The following CTNNA3 variants were observed in gnomAD, a reference collection of about 807,000 sequenced individuals.
CTNNA3 encodes catenin alpha-3.
A neutral mutation model predicts 95.7 loss-of-function variants in CTNNA3; 76 were observed. The ratio of observed to expected loss-of-function variants is 0.79; its 90% confidence interval spans 0.66 to 0.96. The LOEUF (loss-of-function observed/expected upper bound fraction) is 0.96. Ranked by LOEUF, CTNNA3 falls within the 40% of genes least tolerant of loss-of-function variation. The pLI is 0.00. For synonymous variants in CTNNA3, 431 were observed against 374.4 expected (o/e 1.15, Z -1.74); for missense variants, 1,191 against 1,089.8 (o/e 1.09, Z -1.31).
At chr10:66,997,578 A>G (rs1564820978) in intron 7 of CTNNA3, among the ~76,000 whole-genome samples, 1 of 152,148 alleles carries the variant, frequency 6.6e-6, no homozygotes, top group East Asian at 1.9e-4. Flanking sequence ...ATGTAACTAA[A>G]TACTCCTATA....
intron 9 of CTNNA3, among the ~76,000 whole-genome samples, chr10:66,694,067 C>G (rs2132548303): frequency 6.6e-6 from 1 of 152,110 alleles, no homozygotes; most frequent in Admixed American, 6.5e-5. Flanking sequence ...AAAGCAAGAG[C>G]AAACACATTC....
chr10:66,481,356 A>T (rs1465884690), intron 11 of CTNNA3, among the ~76,000 whole-genome samples: 2 of 152,032 alleles, frequency 1.3e-5, no homozygotes, highest in East Asian at 3.9e-4. Context: ...GAACAAATTC[A>T]TTATTCATCC....
intron 7 of CTNNA3, among the ~76,000 whole-genome samples, chr10:67,052,010 C>T (rs1855127839): frequency 6.6e-6 from 1 of 152,110 alleles, no homozygotes; most frequent in Admixed American, 6.5e-5. Flanking sequence ...CCACCTCAGC[C>T]TCCCAAAGTG....
intron 13 of CTNNA3, among the ~76,000 whole-genome samples, chr10:66,141,493 G>A (rs960081598): frequency 1.3e-5 from 2 of 152,066 alleles, no homozygotes; most frequent in Non-Finnish European, 2.9e-5. Flanking sequence ...TTGTTAAACT[G>A]TAAAATCAAC....
chr10:67,513,105 A>G (rs1191249721), intron 5 of CTNNA3, among the ~76,000 whole-genome samples: 2 of 152,238 alleles, frequency 1.3e-5, no homozygotes, highest in East Asian at 1.9e-4. Flanking sequence ...AAATGTTAAA[A>G]GCATCTTTGT....
intron 13 of CTNNA3, among the ~76,000 whole-genome samples, chr10:66,259,942 T>C (rs1272754795): frequency 6.6e-6 from 1 of 152,106 alleles, no homozygotes; most frequent in Non-Finnish European, 1.5e-5. Flanking sequence ...GAAAAGCAAC[T>C]TTTCAGGCTT....
chr10:67,615,806 G>T (rs1339343145), intron 2 of CTNNA3, among the ~76,000 whole-genome samples: 1 of 151,966 alleles, frequency 6.6e-6, no homozygotes, highest in Non-Finnish European at 1.5e-5. Flanking sequence ...GGCATTACAG[G>T]TGCCTGTCAC....
intron 3 of CTNNA3, among the ~76,000 whole-genome samples, chr10:67,540,317 A>T (rs1840636687): frequency 6.6e-6 from 1 of 151,934 alleles, no homozygotes; most frequent in African/African-American, 2.4e-5. Flanking sequence ...TTAATAAAAA[A>T]CTCTCTTTAC....
intron 1 of CTNNA3, among the ~76,000 whole-genome samples, chr10:67,724,121 C>A (rs1369237767): frequency 6.6e-6 from 1 of 152,152 alleles, no homozygotes; most frequent in African/African-American, 2.4e-5. Flanking sequence ...TCCACTTTTT[C>A]TTCTGCCCAG....
At chr10:67,007,740 C>T (rs1414842343) in intron 7 of CTNNA3, among the ~76,000 whole-genome samples, 1 of 151,556 alleles carries the variant, frequency 6.6e-6, no homozygotes, top group Non-Finnish European at 1.5e-5. Flanking sequence ...CTATTCCATA[C>T]TGAATATATT....
In CTNNA3 at chr10:66,632,375, G is replaced by A. The variant is rs138619966; in HGVS notation, c.1282-10591C>T. Among the ~76,000 whole-genome samples, 498 of 151,920 alleles carry A rather than the reference G, an allele frequency of 3.3e-3. 5 individuals are homozygous for A. The highest frequency in any genetic ancestry group is 0.012 in the African/African-American group (478 of 41,444). On this transcript the variant is annotated intron_variant, in intron 9 of 17. Coordinates refer to ENST00000433211, the MANE Select transcript of CTNNA3 (RefSeq NM_013266.4). ...TTGAGACCAGCCTGGCCAACACGGT[G>A]CAACCCCATCTCTACTAAAAAATAC... is the stretch of plus-strand genomic sequence containing the variant.
intron 9 of CTNNA3, among the ~76,000 whole-genome samples, chr10:66,702,732 A>AAGTAGTAGTAGTAGTAGTAGTAGT (rs3055636): frequency 3.7e-5 from 5 of 134,326 alleles, no homozygotes; most frequent in African/African-American, 1.2e-4. Flanking sequence ...AAAAAAGAAT[A>AAGTAGTAGTAGTAGTAGTAGTAGT]AGTAGTAGTA....
chr10:66,499,703 T>C (rs1465354984), intron 11 of CTNNA3, among the ~76,000 whole-genome samples: 1 of 152,158 alleles, frequency 6.6e-6, no homozygotes, highest in Non-Finnish European at 1.5e-5. Flanking sequence ...TGTGTGATTA[T>C]ACTAGCCAAA....
intron 13 of CTNNA3, among the ~76,000 whole-genome samples, chr10:66,145,622 A>G (rs1199871185): frequency 1.3e-5 from 2 of 152,176 alleles, no homozygotes; most frequent in Non-Finnish European, 2.9e-5. Context: ...TCAATGCCTG[A>G]TAACAGCAGT....
intron 9 of CTNNA3, among the ~76,000 whole-genome samples, chr10:66,638,325 C>G (rs1845403759): frequency 6.6e-6 from 1 of 152,022 alleles, no homozygotes; most frequent in Non-Finnish European, 1.5e-5. Flanking sequence ...TTCGTGATTT[C>G]CTCTTTCCCA....
chr10:66,805,175 G>A (rs1322970057), intron 7 of CTNNA3, among the ~76,000 whole-genome samples: 2 of 151,938 alleles, frequency 1.3e-5, no homozygotes, highest in Non-Finnish European at 2.9e-5. Flanking sequence ...ACCTCTGGAA[G>A]CTTGAGACTG....
chr10:67,318,586 C>T lies in CTNNA3; in HGVS notation c.580-98716G>A, dbSNP rs1050137022. 7.9e-5 allele frequency among the ~76,000 whole-genome samples: 12 copies of T among 152,208 alleles called. No homozygotes were observed. The South Asian group carries it at 1.0e-3, about 13-fold the overall frequency. On this transcript the variant is annotated intron_variant, in intron 5 of 17. Transcript: ENST00000433211. ...CCAAACCCTAATTTTCCACCTTCAT[C>T]TCCATGTTCACTCTGCTCCAGCTAC...
At chr10:67,307,203 A>G (rs1463804731) in intron 5 of CTNNA3, among the ~76,000 whole-genome samples, 1 of 152,220 alleles carries the variant, frequency 6.6e-6, no homozygotes, top group African/African-American at 2.4e-5. Context: ...TGTTGATTAA[A>G]TAATTAATAA....
At chr10:67,525,673 A>G (rs1163389248) in intron 4 of CTNNA3, among the ~76,000 whole-genome samples, 1 of 152,234 alleles carries the variant, frequency 6.6e-6, no homozygotes, top group Non-Finnish European at 1.5e-5. Flanking sequence ...AAAAAAATGC[A>G]GCCAAGGCTC....
Sources: allele counts gnomAD v4.1 joint callset (sites outside exome capture counted in the v4.1 genomes callset), GRCh38; gene constraint gnomAD v4.1.1; transcripts MANE v1.5; gene names NCBI Gene and HGNC (gene_info 2026-07-23, HGNC 2026-07-21).